Variants in IL17RA observed in about 807,000 individuals in gnomAD.
The protein encoded by IL17RA is interleukin 17 receptor A, also known as interleukin-17 receptor A.
IL17RA carries 34 observed loss-of-function variants against 50.4 expected under a neutral mutation model. The ratio of observed to expected loss-of-function variants is 0.67; its 90% CI spans 0.51 to 0.90. The LOEUF is 0.90. Ranked by LOEUF, IL17RA falls within the 40% of genes least tolerant of loss-of-function variation. The probability of loss-of-function intolerance (pLI) is 0.00; values close to 1 mark genes in which losing one functional copy is unlikely to be tolerated. For synonymous variants in IL17RA, 585 were observed against 510.4 expected, an observed-to-expected ratio of 1.15 and a Z score of -1.97; for missense variants, 1,276 against 1,169.8, an observed-to-expected ratio of 1.09 and a Z score of -1.32.
Position 17,085,137 on chromosome 22 carries a change from C to G in IL17RA, c.46C>G (p.Leu16Val), listed in dbSNP as rs1425048324. The change falls in exon 1 of 13, where the codon CTG becomes GTG. Residue 16 changes from leucine (L) to valine (V), a missense_variant. Leu to Val is a conservative substitution (Grantham distance 32, BLOSUM62 1). Coordinates refer to ENST00000319363, the MANE Select transcript of IL17RA (RefSeq NM_014339.7). The stretch of plus-strand genomic sequence containing the variant: ...GCCGTCCGCTGTCCCGGGGCCCCTG[C>G]TGGGGCTGCTCCTGCTGCTCCTGGG... Reference protein sequence around the residue: ...SPPSAVPGPLLGLLLLLLGVL... With the variant: ...SPPSAVPGPLVGLLLLLLGVL... The G allele has an allele frequency of 1.3e-6, 2 of 1,494,762 alleles. No homozygotes were observed. The highest frequency in any genetic ancestry group is 2.1e-5 in the Admixed American group (1 of 47,014). 92.6% of individuals were successfully genotyped at this position (1,494,762 alleles called of 1,614,324 possible).
chr22:17,096,600 G>A (rs904516784), intron 1 of IL17RA, among the ~76,000 whole-genome samples: 2 of 152,142 alleles, frequency 1.3e-5, no homozygotes, highest in Non-Finnish European at 2.9e-5. Context: ...GCCGGGCGCG[G>A]TGGCTCACGC....
chr22:17,109,223 G>A lies in IL17RA; in HGVS notation c.2004G>A (p.Leu668=). ...CAGCGCCGCAGCCCCTCCACACCCTGGTGCTCGCCGCAGAGGAGGGGGCCC... is the reference window on the plus strand; with the variant it reads ...CAGCGCCGCAGCCCCTCCACACCCTAGTGCTCGCCGCAGAGGAGGGGGCCC... The part of the protein sequence containing the change: ...GQPAPQPLHT[L]VLAAEEGALV... The change falls in exon 13 of 13, where the codon CTG becomes CTA. Residue 668 remains leucine, a synonymous_variant. Transcript: ENST00000319363. 3 of 1,496,288 alleles carry A rather than the reference G, an allele frequency of 2.0e-6. No homozygotes were observed. The highest frequency in any genetic ancestry group is 2.7e-6 in the Non-Finnish European group (3 of 1,128,478). The allele number at this position is 1,496,288 out of a possible 1,614,324, so 92.7% of individuals were successfully genotyped here.
At chr22:17,098,024 C>G in intron 3 of IL17RA, 81 bp downstream of exon 3, 9 of 1,549,840 alleles carry the variant, frequency 5.8e-6, no homozygotes, top group East Asian at 2.2e-5. Context: ...GGATTGGGCT[C>G]CCAGTCCTGT....
In IL17RA at chr22:17,108,332, C is replaced by A; in HGVS notation, c.1113C>A (p.Ile371=). Residue 371 remains isoleucine, a synonymous_variant, in exon 13 of 13, where the codon ATC becomes ATA. Coordinates refer to ENST00000319363, the MANE Select transcript of IL17RA (RefSeq NM_014339.7). ...YTDGLPAADL[I]PPPLKPRKVW... ...ATGGCCTGCCTGCGGCTGACCTGAT[C>A]CCCCCACCGCTGAAGCCCAGGAAGG... 1 of 1,613,782 alleles carries A rather than the reference C, an allele frequency of 6.2e-7. No homozygotes were observed. Among genetic ancestry groups the A allele is most frequent in the Non-Finnish European group, 8.5e-7 (1 of 1,179,752 alleles).
intron 1 of IL17RA, among the ~76,000 whole-genome samples, chr22:17,094,716 T>TATATATTC (rs1178787318): frequency 4.7e-4 from 56 of 118,542 alleles, no homozygotes; most frequent in African/African-American, 1.7e-3. Flanking sequence ...TATATATATA[T>TATATATTC]ATTCAGGGAG....
rs201500195 is a variant in IL17RA, at chr22:17,097,830, G to A, written c.197G>A (p.Arg66Gln). The change falls in exon 3 of 13, where the codon CGA becomes CAA. Residue 66 changes from arginine to glutamine, a missense_variant. Coordinates refer to ENST00000319363, the MANE Select transcript of IL17RA (RefSeq NM_014339.7). ...TCLDDSWIHP[R>Q]NLTPSSPKDL... ...CTGGATGACAGCTGGATTCACCCTC[G>A]AAACCTGACCCCCTCCTCCCCAAAG... is the stretch of plus-strand genomic sequence containing the variant. 8.1e-6 allele frequency: 13 copies of A among 1,614,162 alleles called. No homozygotes were observed. The highest frequency in any genetic ancestry group is 2.7e-5 in the African/African-American group (2 of 75,046).
intron 12 of IL17RA, 56 bp downstream of exon 12, chr22:17,107,824 C>G: frequency 6.6e-7 from 1 of 1,521,276 alleles, no homozygotes; most frequent in South Asian, 1.1e-5. Context: ...GAGGGTTCTC[C>G]TGGGATAAGT....
Position 17,109,420 on chromosome 22 carries a change from T to C in IL17RA, c.2201T>C (p.Met734Thr). 1 of 1,613,288 alleles carries C rather than the reference T, an allele frequency of 6.2e-7. No individual in the cohort carries two copies. Among genetic ancestry groups the C allele is most frequent in the Non-Finnish European group, 8.5e-7 (1 of 1,179,968 alleles). ...TCGCCCCTTGGCAGCAGCACCCCCATGGCGTCTCCTGACCTCCTTCCAGAG... is the reference window on the plus strand; with the variant it reads ...TCGCCCCTTGGCAGCAGCACCCCCACGGCGTCTCCTGACCTCCTTCCAGAG... Reference protein sequence around the residue: ...EDSPLGSSTPMASPDLLPEDV... With the variant: ...EDSPLGSSTPTASPDLLPEDV... The change falls in exon 13 of 13, where the codon ATG becomes ACG. Residue 734 changes from methionine (M) to threonine (T), a missense_variant. Met to Thr is a moderately conservative substitution (Grantham distance 81). Transcript: ENST00000319363.
rs1568917407 is a variant in IL17RA, at chr22:17,094,671, C to CTATATATA, written c.139-2390_139-2389insATATATAT. ...TCATACACACACTCTCTCTCTCTCT[C>CTATATATA]TCTCTCTCTCTCTCTCTCTCTATAT... On this transcript the variant is annotated intron_variant, in intron 1 of 12. Coordinates refer to ENST00000319363, the MANE Select transcript of IL17RA (RefSeq NM_014339.7). Among the ~76,000 whole-genome samples the CTATATATA allele has an allele frequency of 5.1e-3, 208 of 40,744 alleles. 22 individuals carry two copies. The highest frequency in any genetic ancestry group is 7.8e-3 in the Non-Finnish European group (157 of 20,080). The allele number at this position is 40,744 out of a possible 152,430, so 26.7% of individuals were successfully genotyped here. A position where few individuals can be genotyped will look rare whatever the true frequency, so the allele number is the denominator to read the frequency against.
At position 17,085,044 on chromosome 22, in the gene IL17RA, C is replaced by G; in HGVS notation, c.-48C>G. The stretch of plus-strand genomic sequence containing the variant: ...AAAAGAAAGCCTCAGAACGTTCGTT[C>G]GCTGCGTCCCCAGCCGGGGCCGAGC... On this transcript the variant is annotated 5_prime_UTR_variant, in exon 1 of 13. Coordinates refer to ENST00000319363, the MANE Select transcript of IL17RA (RefSeq NM_014339.7). 3.1e-6 allele frequency: 4 copies of G among 1,292,844 alleles called. No homozygotes were observed. In the South Asian group the frequency reaches 9.3e-5, roughly 30 times the overall value. 80.1% of individuals were successfully genotyped at this position (1,292,844 alleles called of 1,614,324 possible). A position where few individuals can be genotyped will look rare whatever the true frequency, so the allele number is the denominator to read the frequency against.
In IL17RA at chr22:17,090,252, G is replaced by A. The variant is rs1234903836; in HGVS notation, c.138+5023G>A. 2.0e-5 allele frequency among the ~76,000 whole-genome samples: 3 copies of A among 152,140 alleles called. No homozygotes were observed. In the East Asian group the frequency reaches 5.8e-4, roughly 29 times the overall value. On this transcript the variant is annotated intron_variant, in intron 1 of 12. Transcript: ENST00000319363. The stretch of plus-strand genomic sequence containing the variant: ...TTGGCCAGGCCAGTCTCGAACTCCT[G>A]AGCTCAGGCAATCCACCTGCCTCGG...
At chr22:17,085,984 C>A in intron 1 of IL17RA, among the ~76,000 whole-genome samples, 1 of 152,262 alleles carries the variant, frequency 6.6e-6, no homozygotes, top group African/African-American at 2.4e-5. Context: ...CTCCCACCCC[C>A]GACTACCACC....
chr22:17,114,180 T>G lies in IL17RA; in HGVS notation c.*4360T>G, dbSNP rs5992628. On this transcript the variant is annotated 3_prime_UTR_variant, in exon 13 of 13. Coordinates refer to ENST00000319363, the MANE Select transcript of IL17RA (RefSeq NM_014339.7). ...GAAAAGCAGCTACCCCTAAACCCATTGCACAAGCTGTTCATGTTAATTCTG... is the reference window on the plus strand; with the variant it reads ...GAAAAGCAGCTACCCCTAAACCCATGGCACAAGCTGTTCATGTTAATTCTG... 84,461 of 151,946 alleles carry G rather than the reference T, an allele frequency of 0.56. 23,814 individuals carry two copies. Among genetic ancestry groups the G allele is most frequent in the Middle Eastern group, 0.69 (204 of 294 alleles). The allele number at this position is 151,946 out of a possible 1,614,324, so 9.4% of individuals were successfully genotyped here.
At chr22:17,086,589 A>T (rs1176919862) in intron 1 of IL17RA, among the ~76,000 whole-genome samples, 2 of 152,140 alleles carry the variant, frequency 1.3e-5, no homozygotes, top group Non-Finnish European at 2.9e-5. Context: ...CTATAAATAA[A>T]TACTCTGGGG....
Position 17,109,058 on chromosome 22 carries a change from G to A in IL17RA, c.1839G>A (p.Pro613=), listed in dbSNP as rs142619020. Residue 613 remains proline (P), a synonymous_variant, in exon 13 of 13, where the codon CCG becomes CCA. Coordinates refer to ENST00000319363, the MANE Select transcript of IL17RA (RefSeq NM_014339.7). Reference sequence around the variant, plus strand: ...TGTTTGAGGAGCCACTGCTGCCTCCGGGAACCGGCATCGTGAAGCGGGCGC... The same window carrying A: ...TGTTTGAGGAGCCACTGCTGCCTCCAGGAACCGGCATCGTGAAGCGGGCGC... ...EEVFEEPLLP[P]GTGIVKRAPL... 3.1e-6 allele frequency: 5 copies of A among 1,588,192 alleles called. No homozygotes were observed. The highest frequency in any genetic ancestry group is 2.2e-5 in the South Asian group (2 of 89,298).
In IL17RA at chr22:17,109,537, T is replaced by C. The variant is rs577326347; in HGVS notation, c.2318T>C (p.Met773Thr). The change falls in exon 13 of 13, where the codon ATG (methionine) becomes ACG (threonine). Residue 773 changes from methionine to threonine, a missense_variant. Physicochemically the swap from Met to Thr is moderately conservative, Grantham distance 81. Transcript: ENST00000319363. ...QAQGGCSRPA[M>T]VLTDPHTPYE... is the part of the protein sequence containing the mutation. ...CAGGGGGGCTGCAGTAGACCCGCCATGGTCCTCACAGACCCACACACGCCC... is the reference window on the plus strand; with the variant it reads ...CAGGGGGGCTGCAGTAGACCCGCCACGGTCCTCACAGACCCACACACGCCC... 146 of 1,599,516 alleles carry C rather than the reference T, an allele frequency of 9.1e-5. 2 individuals are homozygous for C. The South Asian group carries it at 1.5e-3, about 17-fold the overall frequency.
At chr22:17,098,021 G>A in intron 3 of IL17RA, 78 bp downstream of exon 3, 5 of 1,569,690 alleles carry the variant, frequency 3.2e-6, no homozygotes, top group Non-Finnish European at 4.4e-6. Flanking sequence ...TCAGGATTGG[G>A]CTCCCAGTCC....
chr22:17,099,644 G>C (rs1391410080), intron 4 of IL17RA, among the ~76,000 whole-genome samples: 1 of 152,058 alleles, frequency 6.6e-6, no homozygotes. Flanking sequence ...AGCAAAGGCA[G>C]AACCCCTCTC....
At chr22:17,093,254 G>T (rs1176460829) in intron 1 of IL17RA, among the ~76,000 whole-genome samples, 1 of 152,176 alleles carries the variant, frequency 6.6e-6, no homozygotes, top group Non-Finnish European at 1.5e-5. Context: ...TGTATAGGAG[G>T]TCAAGCTAAT....
Sources: gnomAD v4.1 joint callset for allele counts (sites outside exome capture counted in the v4.1 genomes callset) on GRCh38, gnomAD v4.1.1 for gene constraint, MANE v1.5 for transcripts, NCBI Gene and HGNC (gene_info 2026-07-23, HGNC 2026-07-21) for gene names.